Variants in FBN2 observed in about 807,000 individuals in gnomAD.
The protein encoded by FBN2 is fibrillin-2.
Under a neutral mutation model 355.6 loss-of-function variants are expected in FBN2, and 105 were observed. That is an observed-to-expected ratio of 0.30 (90% CI 0.25 to 0.35). The LOEUF (loss-of-function observed/expected upper bound fraction) is 0.35, where lower values mean the gene tolerates loss of function less well. Among genes scored for constraint, FBN2 ranks in the 10% least tolerant of loss-of-function variants. The probability of loss-of-function intolerance (pLI) is 1.00; values close to 1 mark genes in which losing one functional copy is unlikely to be tolerated. For missense variants in FBN2, 3,280 were observed against 3,758.7 expected (o/e 0.87, Z 3.33); for synonymous variants, 1,350 against 1,301.2 (o/e 1.04, Z -0.81).
chr5:128,502,260 A>G (rs1019660181), intron 5 of FBN2, among the ~76,000 whole-genome samples: 1 of 148,976 alleles, frequency 6.7e-6, no homozygotes, highest in African/African-American at 2.5e-5. Context: ...AAATGATCAC[A>G]TGCTTTTCAC....
intron 24 of FBN2, 101 bp from the exon 25 acceptor site, chr5:128,344,611 T>G: frequency 9.1e-7 from 1 of 1,103,122 alleles, no homozygotes; most frequent in Non-Finnish European, 1.4e-6. Context: ...CAGTAATGCA[T>G]CCAAGTAAAA....
At position 128,278,820 on chromosome 5, in the gene FBN2, A is replaced by G; in HGVS notation, c.7160T>C (p.Phe2387Ser). Reference protein sequence around the residue: ...ECLDNRQGLCFAEVLQTICQM... With the variant: ...ECLDNRQGLCSAEVLQTICQM... ...ACATATTGTCTGCAGTACCTCTGCA[A>G]AGCAGAGACCCTGTCGATTGTCTGA... Residue 2387 changes from phenylalanine (F) to serine (S), a missense_variant, in exon 57 of 65, where the codon TTT becomes TCT. Transcript: ENST00000262464. 4.3e-6 allele frequency: 7 copies of G among 1,613,620 alleles called. No individual in the cohort carries two copies. Among genetic ancestry groups the G allele is most frequent in the Non-Finnish European group, 5.9e-6 (7 of 1,179,630 alleles).
At chr5:128,416,462 G>A (rs990306256) in intron 7 of FBN2, among the ~76,000 whole-genome samples, 4 of 152,180 alleles carry the variant, frequency 2.6e-5, no homozygotes, top group African/African-American at 9.7e-5. Context: ...GTGCTTTTGA[G>A]TCGTAGTCAT....
At chr5:128,502,056 G>A (rs1755831949) in intron 5 of FBN2, among the ~76,000 whole-genome samples, 1 of 151,228 alleles carries the variant, frequency 6.6e-6, no homozygotes, top group South Asian at 2.1e-4. Context: ...AAACCCTTTG[G>A]GTATCCAGGA....
intron 55 of FBN2, among the ~76,000 whole-genome samples, chr5:128,282,145 C>T (rs573732104): frequency 1.3e-5 from 2 of 152,006 alleles, no homozygotes; most frequent in Non-Finnish European, 2.9e-5. Flanking sequence ...TTTTTTAAAC[C>T]AGTGTTACTG....
chr5:128,297,406 CT>C (rs1282293374), intron 48 of FBN2, among the ~76,000 whole-genome samples: 1 of 152,132 alleles, frequency 6.6e-6, no homozygotes, highest in Non-Finnish European at 1.5e-5. Flanking sequence ...GACCTTCTGT[CT>C]CGTTGATCTG....
chr5:128,448,924 C>T (rs10074194), intron 6 of FBN2, among the ~76,000 whole-genome samples: 16,508 of 151,860 alleles, frequency 0.11, 1,036 homozygotes, highest in African/African-American at 0.17. Context: ...ATTTCATCCA[C>T]ATAGGAACAG....
intron 36 of FBN2, 119 bp from the exon 37 acceptor site, chr5:128,312,914 T>C: frequency 8.8e-7 from 1 of 1,140,600 alleles, no homozygotes; most frequent in Admixed American, 1.7e-5. Flanking sequence ...AAAGGTTCCT[T>C]TTAATCCTTA....
At chr5:128,384,690 A>G (rs1752320851) in intron 11 of FBN2, among the ~76,000 whole-genome samples, 1 of 152,048 alleles carries the variant, frequency 6.6e-6, no homozygotes, top group African/African-American at 2.4e-5. Flanking sequence ...TCTTCAACAC[A>G]GGGTACATGG....
chr5:128,537,728 G>T lies in FBN2; in HGVS notation c.-125C>A. ...TCGTCGGCTCCGGGGACTCCCTCGG[G>T]CTCGGGCTCCCTGCTCTAGCTGGAG... On this transcript the variant is annotated 5_prime_UTR_variant, in exon 1 of 65. Transcript: ENST00000262464. The T allele has an allele frequency of 1.0e-6, 1 of 954,406 alleles. No homozygotes were observed. The highest frequency in any genetic ancestry group is 1.6e-6 in the Non-Finnish European group (1 of 623,434). The allele number at this position is 954,406 out of a possible 1,614,324, so 59.1% of individuals were successfully genotyped here.
chr5:128,364,808 A>G, intron 17 of FBN2, 83 bp from the exon 18 acceptor site: 1 of 1,193,592 alleles, frequency 8.4e-7, no homozygotes. Context: ...AAGACCATTC[A>G]ACATATGAAG....
intron 7 of FBN2, among the ~76,000 whole-genome samples, chr5:128,419,162 G>C (rs771814387): frequency 6.6e-6 from 1 of 152,076 alleles, no homozygotes; most frequent in Admixed American, 6.6e-5. Context: ...TCATTCATTG[G>C]TTCTAATAGT....
intron 41 of FBN2, 49 bp from the exon 42 acceptor site, chr5:128,307,252 T>C: frequency 9.7e-7 from 1 of 1,032,446 alleles, no homozygotes; most frequent in Non-Finnish European, 1.5e-6. Context: ...TCAAATTCCT[T>C]CAAAATAACA....
intron 5 of FBN2, among the ~76,000 whole-genome samples, chr5:128,498,532 C>T (rs1025860178): frequency 5.9e-5 from 9 of 152,156 alleles, no homozygotes; most frequent in Admixed American, 3.3e-4. Flanking sequence ...TTTTATCAAA[C>T]GACTCTTCAG....
At chr5:128,534,686 T>G (rs1442259125) in intron 2 of FBN2, among the ~76,000 whole-genome samples, 1 of 152,188 alleles carries the variant, frequency 6.6e-6, no homozygotes, top group African/African-American at 2.4e-5. Context: ...ACCCTGAGAT[T>G]TTCAAAGCTG....
chr5:128,529,093 G>C (rs1339319293), intron 3 of FBN2, among the ~76,000 whole-genome samples: 1 of 152,196 alleles, frequency 6.6e-6, no homozygotes, highest in Non-Finnish European at 1.5e-5. Context: ...TTTCCTTTTA[G>C]ACATGCTACT....
At chr5:128,446,912 A>T (rs1328932745) in intron 6 of FBN2, among the ~76,000 whole-genome samples, 1 of 152,182 alleles carries the variant, frequency 6.6e-6, no homozygotes, top group Non-Finnish European at 1.5e-5. Context: ...GAAGCATGGA[A>T]ATTGTGAAGA....
Position 128,446,570 on chromosome 5 carries a change from T to G in FBN2, c.863A>C (p.Gln288Pro), listed in dbSNP as rs1418534119. The G allele has an allele frequency of 1.2e-6, 2 of 1,613,760 alleles. No individual in the cohort carries two copies. The highest frequency in any genetic ancestry group is 1.7e-6 in the Non-Finnish European group (2 of 1,179,818). ...DECQAIPGIC[Q>P]GGNCINTVGS... is the part of the protein sequence containing the mutation. ...CACTGTATTGATACAGTTTCCTCCT[T>G]GGCATATCCCTGGGATAGCCTGGCA... is the stretch of plus-strand genomic sequence containing the variant. Residue 288 changes from glutamine to proline, a missense_variant, in exon 7 of 65, where the codon CAA becomes CCA. Physicochemically the swap from Gln to Pro is moderately conservative, Grantham distance 76. This residue lies in a region of FBN2 where 343 missense variants were observed against 331.0 expected (regional missense o/e 1.04). Coordinates refer to ENST00000262464, the MANE Select transcript of FBN2 (RefSeq NM_001999.4).
Position 128,392,020 on chromosome 5 carries a change from A to G in FBN2, c.1601T>C (p.Ile534Thr), listed in dbSNP as rs762032979. 1 of 1,613,596 alleles carries G rather than the reference A, an allele frequency of 6.2e-7. No homozygotes were observed. Among genetic ancestry groups the G allele is most frequent in the Non-Finnish European group, 8.5e-7 (1 of 1,179,602 alleles). ...TTATTAAAGAATCACAAACTTACCT[A>G]TACAATCTCCATTTGCATCCTGCTT... is the stretch of plus-strand genomic sequence containing the variant. ...GYKQDANGDC[I>T]DVDECTSNPC... Residue 534 changes from isoleucine to threonine, a missense_variant and splice_region_variant, in exon 11 of 65, where the codon ATA becomes ACA. Transcript: ENST00000262464.
Sources: allele counts gnomAD v4.1 joint callset (sites outside exome capture counted in the v4.1 genomes callset), GRCh38; gene constraint gnomAD v4.1.1; regional missense constraint gnomAD v4.1.1; transcripts MANE v1.5; gene names NCBI Gene and HGNC (gene_info 2026-07-23, HGNC 2026-07-21).